Variants in OXR1 observed in about 807,000 individuals in gnomAD.
OXR1 encodes the protein oxidation resistance 1, also known as oxidation resistance protein 1.
A neutral mutation model predicts 104.6 loss-of-function variants in OXR1; 41 were observed. The ratio of observed to expected loss-of-function variants is 0.39; its 90% confidence interval spans 0.31 to 0.51. The LOEUF (loss-of-function observed/expected upper bound fraction) is 0.51, where lower values mean the gene tolerates loss of function less well. OXR1 is among the 20% of genes least tolerant of loss of function. The pLI, the probability that OXR1 is intolerant of heterozygous loss-of-function variation, is 0.77. For missense variants in OXR1, 955 were observed against 1,031.9 expected, an observed-to-expected ratio of 0.93 and a Z score of 1.02; for synonymous variants, 348 against 348.4, an observed-to-expected ratio of 1.00 and a Z score of 0.01.
At chr8:106,340,013 A>C (rs1815174437) in intron 1 of OXR1, among the ~76,000 whole-genome samples, 1 of 152,120 alleles carries the variant, frequency 6.6e-6, no homozygotes, top group African/African-American at 2.4e-5. Context: ...TCCCAAAGTC[A>C]CTTTACAAAA....
At chr8:106,391,210 C>A (rs1334507750) in intron 2 of OXR1, among the ~76,000 whole-genome samples, 1 of 152,216 alleles carries the variant, frequency 6.6e-6, no homozygotes, top group Non-Finnish European at 1.5e-5. Context: ...ATTAGGTTAT[C>A]TGTCTATGCT....
At chr8:106,282,944 T>C (rs983226723) in intron 1 of OXR1, among the ~76,000 whole-genome samples, 14 of 152,224 alleles carry the variant, frequency 9.2e-5, no homozygotes. Context: ...TGTATCTCAT[T>C]TTTAGAATGT....
At chr8:106,475,733 G>C (rs1462243583) in intron 2 of OXR1, among the ~76,000 whole-genome samples, 1 of 151,892 alleles carries the variant, frequency 6.6e-6, no homozygotes, top group African/African-American at 2.4e-5. Flanking sequence ...TTGTTTTCTG[G>C]CATTGCTTTT....
chr8:106,748,081 C>A (rs1835545327), intron 16 of OXR1, among the ~76,000 whole-genome samples: 1 of 152,192 alleles, frequency 6.6e-6, no homozygotes, highest in Admixed American at 6.5e-5. Flanking sequence ...TCTTTAAAGG[C>A]ATGTTGTTGC....
intron 3 of OXR1, among the ~76,000 whole-genome samples, chr8:106,533,339 A>G (rs531259943): frequency 1.3e-5 from 2 of 152,366 alleles, no homozygotes; most frequent in South Asian, 2.1e-4. Context: ...TGTCATTCAT[A>G]TGATGAAAAG....
rs561739598 is a variant in OXR1 at position 106,501,109 on chromosome 8, T to C, written c.24-17834T>C. ...ATGGATTTCAAGCAGAAAAATCTTCTTGTACAAACTCATACAACTGCTTCT... is the reference window on the plus strand; with the variant it reads ...ATGGATTTCAAGCAGAAAAATCTTCCTGTACAAACTCATACAACTGCTTCT... On this transcript the variant is annotated intron_variant, in intron 2 of 16. Coordinates refer to ENST00000517566, the MANE Select transcript of OXR1 (RefSeq NM_001198533.2). Among the ~76,000 whole-genome samples the C allele has an allele frequency of 2.0e-5, 3 of 152,306 alleles. No individual in the cohort carries two copies. The South Asian group carries it at 6.2e-4, about 32-fold the overall frequency.
chr8:106,545,312 A>G (rs935466681), intron 3 of OXR1, among the ~76,000 whole-genome samples: 1 of 152,234 alleles, frequency 6.6e-6, no homozygotes, highest in African/African-American at 2.4e-5. Context: ...TTCAGCTGGA[A>G]CGTTATTTGA....
intron 3 of OXR1, among the ~76,000 whole-genome samples, chr8:106,624,001 A>C (rs2130859142): frequency 6.6e-6 from 1 of 152,162 alleles, no homozygotes; most frequent in East Asian, 1.9e-4. Context: ...AGCTTCCTAC[A>C]GCACACATAC....
chr8:106,734,948 A>G (rs1171989389), intron 11 of OXR1, among the ~76,000 whole-genome samples: 2 of 152,114 alleles, frequency 1.3e-5, no homozygotes, highest in Non-Finnish European at 2.9e-5. Context: ...GGTTTTCTCA[A>G]CTGTTTACTC....
chr8:106,543,408 C>T (rs1329505646), intron 3 of OXR1, among the ~76,000 whole-genome samples: 1 of 152,036 alleles, frequency 6.6e-6, no homozygotes, highest in Non-Finnish European at 1.5e-5. Context: ...AACAAAAAAT[C>T]CTGTAGAAAT....
chr8:106,412,476 A>G (rs1345083208), intron 2 of OXR1, among the ~76,000 whole-genome samples: 2 of 152,156 alleles, frequency 1.3e-5, no homozygotes, highest in Admixed American at 1.3e-4. Context: ...AACTTATAGC[A>G]TTAGAAACAA....
chr8:106,681,343 T>C (rs141266176), intron 4 of OXR1, among the ~76,000 whole-genome samples: 18 of 151,612 alleles, frequency 1.2e-4, no homozygotes, highest in Middle Eastern at 6.8e-3. Context: ...TAGAAGGATG[T>C]AGGCAGAACT....
At chr8:106,337,866 T>C (rs1234443885) in intron 1 of OXR1, among the ~76,000 whole-genome samples, 1 of 152,214 alleles carries the variant, frequency 6.6e-6, no homozygotes, top group Admixed American at 6.5e-5. Context: ...TTTATTTCAA[T>C]AGTTAAAATT....
At chr8:106,537,413 G>C (rs558965653) in intron 3 of OXR1, among the ~76,000 whole-genome samples, 9 of 152,142 alleles carry the variant, frequency 5.9e-5, no homozygotes, top group African/African-American at 2.2e-4. Context: ...TGCCGTAAGA[G>C]TTTAAAAACG....
chr8:106,741,349 G>C (rs1834902644), intron 14 of OXR1, among the ~76,000 whole-genome samples: 1 of 152,110 alleles, frequency 6.6e-6, no homozygotes, highest in Non-Finnish European at 1.5e-5. Context: ...TATTAGGCTA[G>C]TAACTCCTTC....
At position 106,698,590 on chromosome 8, in the gene OXR1, CTT is replaced by C. The variant is rs1237994023; in HGVS notation, c.676-4313_676-4312del. Among the ~76,000 whole-genome samples the C allele has an allele frequency of 4.6e-5, 7 of 152,178 alleles. No homozygotes were observed. In the East Asian group the frequency reaches 1.2e-3, roughly 25 times the overall value. On this transcript the variant is annotated intron_variant, in intron 7 of 16. Transcript: ENST00000517566. ...ATACTCCATTCACTTTTTTCCTTCTCTTTTCATTTTGGATAATTTTAATTGCT... is the reference window on the plus strand; with the variant it reads ...ATACTCCATTCACTTTTTTCCTTCTCTTCATTTTGGATAATTTTAATTGCT...
In OXR1 at chr8:106,458,520, A is replaced by C. The variant is rs945391862; in HGVS notation, c.24-60423A>C. Among the ~76,000 whole-genome samples the C allele has an allele frequency of 4.6e-5, 7 of 152,242 alleles. No homozygotes were observed. In the East Asian group the frequency reaches 5.8e-4, roughly 13 times the overall value. ...AGGAAGAGATTTCTCACAGGAGTAG[A>C]GTTACTGCAGAGAGCCCCCATTAAA... On this transcript the variant is annotated intron_variant, in intron 2 of 16. Coordinates refer to ENST00000517566, the MANE Select transcript of OXR1 (RefSeq NM_001198533.2).
At chr8:106,558,429 C>G (rs1473086629) in intron 3 of OXR1, among the ~76,000 whole-genome samples, 1 of 152,176 alleles carries the variant, frequency 6.6e-6, no homozygotes, top group East Asian at 1.9e-4. Flanking sequence ...ATCAGGTGGC[C>G]TGGTAGGCCA....
chr8:106,552,000 G>T (rs1195297942), intron 3 of OXR1, among the ~76,000 whole-genome samples: 2 of 151,330 alleles, frequency 1.3e-5, no homozygotes, highest in Non-Finnish European at 2.9e-5. Context: ...GGTCCTGGCT[G>T]CAGTAAGCTA....
Sources: gnomAD v4.1 joint callset for allele counts (sites outside exome capture counted in the v4.1 genomes callset) on GRCh38, gnomAD v4.1.1 for gene constraint, MANE v1.5 for transcripts, NCBI Gene and HGNC (gene_info 2026-07-23, HGNC 2026-07-21) for gene names.